KCNIP1: variants seen among roughly 807,000 people sequenced by gnomAD.
KCNIP1 encodes the protein potassium voltage-gated channel interacting protein 1.
In KCNIP1, 18 loss-of-function variants were observed where a neutral mutation model predicts 33.0. That is an observed-to-expected ratio of 0.55 (90% confidence interval 0.38 to 0.81). KCNIP1 has a LOEUF of 0.81. Ranked by LOEUF, KCNIP1 falls within the 30% of genes least tolerant of loss-of-function variation. KCNIP1 has a pLI of 0.00. For missense variants in KCNIP1, 238 were observed against 271.6 expected (o/e 0.88, Z 0.87); for synonymous variants, 93 against 98.3 (o/e 0.95, Z 0.32).
At chr5:170,721,048 C>T (rs560709771) in intron 3 of KCNIP1, among the ~76,000 whole-genome samples, 4 of 152,350 alleles carry the variant, frequency 2.6e-5, no homozygotes, top group African/African-American at 4.8e-5. Context: ...CTGTGGCCTC[C>T]ATGTGTCACA....
At chr5:170,402,302 T>C (rs1316640161) in intron 1 of KCNIP1, among the ~76,000 whole-genome samples, 11 of 152,220 alleles carry the variant, frequency 7.2e-5, no homozygotes, top group Non-Finnish European at 4.4e-5. Context: ...TTCAAGTCAC[T>C]ATACTCATCT....
chr5:170,438,596 C>T (rs1755918639), intron 1 of KCNIP1, among the ~76,000 whole-genome samples: 1 of 152,146 alleles, frequency 6.6e-6, no homozygotes, highest in African/African-American at 2.4e-5. Flanking sequence ...GCCAAGGCCC[C>T]AAGCCACTCG....
upstream of KCNIP1, chr5:170,503,971 T>G (rs1754588648): frequency 4.1e-6 from 2 of 482,422 alleles, no homozygotes; most frequent in South Asian, 9.7e-5. Flanking sequence ...GCCCCGCCCC[T>G]CCGTAGTTGC....
At chr5:170,558,520 G>A (rs748235194) in intron 1 of KCNIP1, among the ~76,000 whole-genome samples, 5 of 152,248 alleles carry the variant, frequency 3.3e-5, no homozygotes, top group Non-Finnish European at 5.9e-5. Context: ...GGTGGAATGG[G>A]AGTGGACACT....
chr5:170,403,857 T>C (rs1561608566), intron 1 of KCNIP1, among the ~76,000 whole-genome samples: 2 of 152,186 alleles, frequency 1.3e-5, no homozygotes, highest in African/African-American at 2.4e-5. Context: ...AGTGAAGCAA[T>C]TAAAGAGTGA....
At chr5:170,687,631 A>C (rs903578950) in intron 1 of KCNIP1, among the ~76,000 whole-genome samples, 1 of 152,200 alleles carries the variant, frequency 6.6e-6, no homozygotes, top group Admixed American at 6.5e-5. Flanking sequence ...ACTCTGAGCC[A>C]TGCCTCCTGA....
At chr5:170,543,898 A>G (rs1219848713) in intron 1 of KCNIP1, among the ~76,000 whole-genome samples, 2 of 152,204 alleles carry the variant, frequency 1.3e-5, no homozygotes, top group South Asian at 2.1e-4. Flanking sequence ...ACATCATCAG[A>G]CATTTACAAC....
At chr5:170,602,837 C>T (rs114394408) in intron 1 of KCNIP1, among the ~76,000 whole-genome samples, 1,809 of 152,324 alleles carry the variant, frequency 0.012, 15 homozygotes, top group Non-Finnish European at 0.019. Flanking sequence ...TTCCCAAGGG[C>T]GCAAGGTGAG....
At chr5:170,693,300 C>T (rs1762785275) in intron 1 of KCNIP1, among the ~76,000 whole-genome samples, 1 of 152,202 alleles carries the variant, frequency 6.6e-6, no homozygotes, top group Admixed American at 6.5e-5. Flanking sequence ...CAGGCTGACA[C>T]CACGTAGAAT....
At chr5:170,557,250 G>A (rs965256392) in intron 1 of KCNIP1, among the ~76,000 whole-genome samples, 6 of 152,220 alleles carry the variant, frequency 3.9e-5, no homozygotes, top group African/African-American at 1.4e-4. Flanking sequence ...TAAAGGACTT[G>A]GCACATGGTG....
At chr5:170,453,184 T>C (rs1756296024) in intron 1 of KCNIP1, among the ~76,000 whole-genome samples, 1 of 152,220 alleles carries the variant, frequency 6.6e-6, no homozygotes, top group African/African-American at 2.4e-5. Context: ...TGATCATTCC[T>C]GAAGGAGCAT....
At chr5:170,503,404 A>AAG (rs1190680815), upstream of KCNIP1, among the ~76,000 whole-genome samples, 10 of 151,240 alleles carry the variant, frequency 6.6e-5, no homozygotes, top group South Asian at 2.1e-4. Flanking sequence ...AAAAAAAAAA[A>AAG]AAAAAGAAAA....
chr5:170,683,816 C>T (rs1373494998), intron 1 of KCNIP1, among the ~76,000 whole-genome samples: 2 of 151,850 alleles, frequency 1.3e-5, no homozygotes, highest in East Asian at 1.9e-4. Context: ...CTCTGCCTCC[C>T]GGACTCAAGC....
intron 1 of KCNIP1, among the ~76,000 whole-genome samples, chr5:170,397,289 T>G (rs904796707): frequency 6.6e-6 from 1 of 152,312 alleles, no homozygotes; most frequent in Non-Finnish European, 1.5e-5. Context: ...AGACACCTGA[T>G]CTCCTTTGGT....
intron 1 of KCNIP1, among the ~76,000 whole-genome samples, chr5:170,540,934 G>A (rs963364961): frequency 6.6e-6 from 1 of 152,156 alleles, no homozygotes; most frequent in African/African-American, 2.4e-5. Flanking sequence ...TTTCTGCACT[G>A]GATATGAAAT....
intron 1 of KCNIP1, among the ~76,000 whole-genome samples, chr5:170,562,639 C>A (rs781162620): frequency 6.6e-6 from 1 of 152,342 alleles, no homozygotes; most frequent in South Asian, 2.1e-4. Flanking sequence ...TTCCTCATCC[C>A]CTGCACGCCG....
chr5:170,552,910 C>T (rs892507565), intron 1 of KCNIP1, among the ~76,000 whole-genome samples: 13 of 152,220 alleles, frequency 8.5e-5, no homozygotes, highest in Admixed American at 8.5e-4. Context: ...AGCTTAGACT[C>T]CCTGAGACTC....
At chr5:170,563,351 G>A (rs1757099342) in intron 1 of KCNIP1, among the ~76,000 whole-genome samples, 1 of 152,186 alleles carries the variant, frequency 6.6e-6, no homozygotes, top group Non-Finnish European at 1.5e-5. Flanking sequence ...GGCTGCTATT[G>A]ATGGAACTGC....
chr5:170,617,818 C>G (rs1215790434), intron 1 of KCNIP1, among the ~76,000 whole-genome samples: 1 of 152,236 alleles, frequency 6.6e-6, no homozygotes, highest in African/African-American at 2.4e-5. Flanking sequence ...GAATGCAGAT[C>G]TAACCCATTC....
Sources: gnomAD v4.1 joint callset for allele counts (sites outside exome capture counted in the v4.1 genomes callset) on GRCh38, gnomAD v4.1.1 for gene constraint, MANE v1.5 for transcripts, NCBI Gene and HGNC (gene_info 2026-07-23, HGNC 2026-07-21) for gene names.